The following SH3PXD2B variants were observed in gnomAD, a reference collection of about 807,000 sequenced individuals.
SH3PXD2B encodes the protein SH3 and PX domains 2B, also known as SH3 and PX domain-containing protein 2B.
Under a neutral mutation model 73.1 loss-of-function variants are expected in SH3PXD2B, and 37 were observed. The ratio of observed to expected loss-of-function variants is 0.51; its 90% CI spans 0.39 to 0.67. The LOEUF (loss-of-function observed/expected upper bound fraction) is 0.67, where lower values mean the gene tolerates loss of function less well. Ranked by LOEUF, SH3PXD2B falls within the 30% of genes least tolerant of loss-of-function variation. The probability of loss-of-function intolerance (pLI) is 0.00; values close to 1 mark genes in which losing one functional copy is unlikely to be tolerated. For synonymous variants in SH3PXD2B, 457 were observed against 480.5 expected (o/e 0.95, Z 0.64); for missense variants, 1,053 against 1,197.8 (o/e 0.88, Z 1.78).
At chr5:172,332,503 A>G (rs1158782660), downstream of SH3PXD2B, among the ~76,000 whole-genome samples, 2 of 151,342 alleles carry the variant, frequency 1.3e-5, no homozygotes, top group African/African-American at 4.9e-5. Context: ...GGTTCAACAG[A>G]TCCTCCTGCC....
At chr5:172,403,866 C>T (rs1581312485) in intron 3 of SH3PXD2B, among the ~76,000 whole-genome samples, 1 of 152,224 alleles carries the variant, frequency 6.6e-6, no homozygotes, top group South Asian at 2.1e-4. Context: ...CAATAATCTA[C>T]TATGTGCCAG....
chr5:172,369,784 A>G (rs1757661651), intron 6 of SH3PXD2B, among the ~76,000 whole-genome samples: 1 of 151,958 alleles, frequency 6.6e-6, no homozygotes, highest in Non-Finnish European at 1.5e-5. Context: ...CAAACAAACT[A>G]ACAAAAAAAC....
At chr5:172,437,479 G>T (rs1380059315) in intron 1 of SH3PXD2B, among the ~76,000 whole-genome samples, 1 of 152,124 alleles carries the variant, frequency 6.6e-6, no homozygotes, top group African/African-American at 2.4e-5. Context: ...TCGAGAGGCT[G>T]GGAAGTGGGT....
intron 12 of SH3PXD2B, among the ~76,000 whole-genome samples, chr5:172,343,523 G>A (rs942555242): frequency 6.6e-5 from 10 of 152,152 alleles, no homozygotes; most frequent in Non-Finnish European, 1.3e-4. Context: ...ATCAGAAGCC[G>A]GGTGCGGTGG....
At chr5:172,342,655 G>A (rs1045586203) in intron 12 of SH3PXD2B, among the ~76,000 whole-genome samples, 2 of 152,206 alleles carry the variant, frequency 1.3e-5, no homozygotes, top group Non-Finnish European at 2.9e-5. Context: ...CAGCTACGCG[G>A]GAGGCTGAGG....
intron 2 of SH3PXD2B, among the ~76,000 whole-genome samples, chr5:172,419,710 C>T (rs904243491): frequency 1.2e-4 from 19 of 152,278 alleles, no homozygotes; most frequent in African/African-American, 4.6e-4. Context: ...TATCCAACCC[C>T]ACCCCTCTCT....
chr5:172,327,185 A>G (rs1048893357), intron 12 of SH3PXD2B, among the ~76,000 whole-genome samples: 1 of 151,978 alleles, frequency 6.6e-6, no homozygotes, highest in African/African-American at 2.4e-5. Flanking sequence ...TGAAGATTCT[A>G]CTCTTCATAG....
At chr5:172,381,192 C>T (rs1329054614) in intron 5 of SH3PXD2B, among the ~76,000 whole-genome samples, 4 of 152,194 alleles carry the variant, frequency 2.6e-5, no homozygotes, top group African/African-American at 9.7e-5. Context: ...GGGCATCCAG[C>T]GAACGCAGCG....
chr5:172,405,031 G>A (rs1219955214), intron 3 of SH3PXD2B, among the ~76,000 whole-genome samples: 1 of 152,256 alleles, frequency 6.6e-6, no homozygotes, highest in Non-Finnish European at 1.5e-5. Flanking sequence ...GTAAAGCACT[G>A]AGTGACTGGC....
intron 7 of SH3PXD2B, among the ~76,000 whole-genome samples, chr5:172,359,756 A>G (rs973550129): frequency 1.2e-4 from 19 of 152,178 alleles, no homozygotes; most frequent in African/African-American, 4.1e-4. Context: ...CTGTAAATAT[A>G]TGAAGTTACG....
intron 4 of SH3PXD2B, among the ~76,000 whole-genome samples, chr5:172,388,800 A>T (rs946914222): frequency 6.6e-6 from 1 of 152,212 alleles, no homozygotes; most frequent in African/African-American, 2.4e-5. Context: ...AGGTGACCCT[A>T]TAGTCCTTGC....
At chr5:172,412,843 T>C (rs998229181) in intron 2 of SH3PXD2B, among the ~76,000 whole-genome samples, 1 of 152,080 alleles carries the variant, frequency 6.6e-6, no homozygotes, top group Admixed American at 6.5e-5. Context: ...GAAGTGGCGC[T>C]CAGGGTGAGG....
intron 1 of SH3PXD2B, among the ~76,000 whole-genome samples, chr5:172,431,329 G>A (rs544616834): frequency 2.0e-5 from 3 of 152,374 alleles, no homozygotes; most frequent in East Asian, 1.9e-4. Flanking sequence ...CCGGAGCCGT[G>A]CTCCAAACAC....
intron 2 of SH3PXD2B, among the ~76,000 whole-genome samples, chr5:172,417,646 C>T (rs1335918784): frequency 6.6e-6 from 1 of 152,214 alleles, no homozygotes; most frequent in African/African-American, 2.4e-5. Flanking sequence ...CCAGGATCTT[C>T]ACCACTCTAT....
At chr5:172,409,558 C>T (rs1365297275) in intron 2 of SH3PXD2B, among the ~76,000 whole-genome samples, 3 of 152,148 alleles carry the variant, frequency 2.0e-5, no homozygotes, top group Non-Finnish European at 4.4e-5. Flanking sequence ...TTTTTAGCTT[C>T]CACATGTAAG....
intron 5 of SH3PXD2B, among the ~76,000 whole-genome samples, chr5:172,377,145 CTT>C (rs1176029249): frequency 6.6e-6 from 1 of 152,136 alleles, no homozygotes; most frequent in African/African-American, 2.4e-5. Context: ...GCAGGGGACT[CTT>C]GGGTTCAGGC....
At chr5:172,440,408 C>T (rs374828289) in intron 1 of SH3PXD2B, among the ~76,000 whole-genome samples, 7 of 152,214 alleles carry the variant, frequency 4.6e-5, no homozygotes, top group Non-Finnish European at 8.8e-5. Context: ...AAGGGTGAGA[C>T]CTGGGGATGC....
chr5:172,325,378 A>T (rs1206123750), exon 13 of SH3PXD2B: 1 of 1,532,210 alleles, frequency 6.5e-7, no homozygotes, highest in Non-Finnish European at 8.7e-7. Context: ...CATTCTTATG[A>T]TCCTAGATGA....
chr5:172,419,808 T>A (rs1758916783), intron 2 of SH3PXD2B, among the ~76,000 whole-genome samples: 1 of 152,212 alleles, frequency 6.6e-6, no homozygotes, highest in Non-Finnish European at 1.5e-5. Flanking sequence ...CTGTACCTCC[T>A]CTTCTGCTCC....
Sources: allele counts gnomAD v4.1 joint callset (sites outside exome capture counted in the v4.1 genomes callset), GRCh38; gene constraint gnomAD v4.1.1; transcripts MANE v1.5; gene names NCBI Gene and HGNC (gene_info 2026-07-23, HGNC 2026-07-21).